Variants in DHRS7B observed in about 807,000 individuals in gnomAD.
DHRS7B encodes peroxisomal reductase activating PPAR-gamma.
A neutral mutation model predicts 26.4 loss-of-function variants in DHRS7B; 24 were observed. The observed-to-expected ratio is 0.91, with a 90% confidence interval of 0.66 to 1.28. The LOEUF is 1.28. Among genes scored for constraint, DHRS7B ranks in the 50% most tolerant of loss-of-function variants. DHRS7B has a pLI of 0.00. For missense variants in DHRS7B, 368 were observed against 419.4 expected, an observed-to-expected ratio of 0.88 and a Z score of 1.07; for synonymous variants, 142 against 166.4, an observed-to-expected ratio of 0.85 and a Z score of 1.13.
At chr17:21,172,301 G>T (rs1974274741) in intron 2 of DHRS7B, 105 bp downstream of exon 2, 3 of 1,396,952 alleles carry the variant, frequency 2.1e-6, no homozygotes, top group Non-Finnish European at 2.9e-6. Context: ...CGAAGCGGCA[G>T]CAGAAGGCCA....
intron 1 of DHRS7B, among the ~76,000 whole-genome samples, chr17:21,129,728 AAAG>A (rs1300293323): frequency 6.6e-6 from 1 of 150,494 alleles, no homozygotes; most frequent in Non-Finnish European, 1.5e-5. Context: ...AAAAAAAGAA[AAAG>A]AAAAAAATAA....
intron 1 of DHRS7B, among the ~76,000 whole-genome samples, chr17:21,144,301 G>A (rs1386888267): frequency 1.3e-5 from 2 of 152,146 alleles, no homozygotes; most frequent in African/African-American, 4.8e-5. Flanking sequence ...TTCTGGAGGT[G>A]AGAAAACTGG....
chr17:21,184,261 C>G, intron 4 of DHRS7B, 110 bp from the exon 5 acceptor site: 1 of 966,012 alleles, frequency 1.0e-6, no homozygotes, highest in Non-Finnish European at 1.6e-6. Context: ...GGGGTTTTCA[C>G]CATTCTCCCT....
chr17:21,132,439 G>A (rs1033275951), intron 1 of DHRS7B, among the ~76,000 whole-genome samples: 1 of 149,516 alleles, frequency 6.7e-6, no homozygotes, highest in African/African-American at 2.5e-5. Flanking sequence ...ACTGAGGTGG[G>A]AGGATCGCTT....
At chr17:21,184,028 T>A (rs1974574299) in intron 4 of DHRS7B, among the ~76,000 whole-genome samples, 1 of 152,208 alleles carries the variant, frequency 6.6e-6, no homozygotes, top group African/African-American at 2.4e-5. Flanking sequence ...TACCTACATG[T>A]CTTTTTCATG....
intron 1 of DHRS7B, among the ~76,000 whole-genome samples, chr17:21,140,531 CACACACA>C (rs1973479988): frequency 9.3e-5 from 14 of 150,548 alleles, no homozygotes; most frequent in Admixed American, 1.3e-4. Flanking sequence ...CACACACACA[CACACACA>C]CCCTGACACC....
chr17:21,178,946 A>G (rs1974452228), intron 3 of DHRS7B, among the ~76,000 whole-genome samples: 1 of 151,414 alleles, frequency 6.6e-6, no homozygotes, highest in South Asian at 2.1e-4. Flanking sequence ...AGCCACCAGT[A>G]CAGCCCTTGT....
At chr17:21,170,272 T>A (rs762700355) in intron 1 of DHRS7B, among the ~76,000 whole-genome samples, 4 of 152,136 alleles carry the variant, frequency 2.6e-5, no homozygotes, top group Non-Finnish European at 5.9e-5. Context: ...AACCCTGGAG[T>A]GGCACAGGCC....
At chr17:21,154,311 C>CAAA (rs879676183) in intron 1 of DHRS7B, among the ~76,000 whole-genome samples, 1 of 123,166 alleles carries the variant, frequency 8.1e-6, no homozygotes. Flanking sequence ...GCTCTCTCTC[C>CAAA]AAAAAAAAAA....
chr17:21,171,050 G>GC (rs942413643), intron 1 of DHRS7B, among the ~76,000 whole-genome samples: 20 of 131,470 alleles, frequency 1.5e-4, no homozygotes, highest in African/African-American at 6.7e-4. Context: ...GGTGGACTCG[G>GC]GGGGGGCCTT....
intron 2 of DHRS7B, among the ~76,000 whole-genome samples, chr17:21,172,828 A>C (rs1019403366): frequency 3.2e-4 from 48 of 152,292 alleles, no homozygotes; most frequent in Admixed American, 6.5e-4. Flanking sequence ...GTGTACCGGG[A>C]CCCTGGCCTG....
intron 6 of DHRS7B, among the ~76,000 whole-genome samples, chr17:21,189,414 C>T (rs1974726900): frequency 6.6e-6 from 1 of 152,242 alleles, no homozygotes; most frequent in Non-Finnish European, 1.5e-5. Context: ...CCCCAGCATG[C>T]AGGCTCAGGC....
intron 1 of DHRS7B, among the ~76,000 whole-genome samples, chr17:21,140,361 T>A (rs113485350): frequency 1.3e-5 from 2 of 152,062 alleles, no homozygotes; most frequent in African/African-American, 4.8e-5. Context: ...GTCAGCTACG[T>A]AGCCTTAAAT....
At chr17:21,129,704 C>CAAAAAAAAAAAAAAAAAA (rs61077377) in intron 1 of DHRS7B, among the ~76,000 whole-genome samples, 10 of 74,754 alleles carry the variant, frequency 1.3e-4, no homozygotes, top group African/African-American at 1.9e-4. Flanking sequence ...GACCCTGACT[C>CAAAAAAAAAAAAAAAAAA]AAAAAAAAAA....
chr17:21,145,699 A>C (rs1333121363), intron 1 of DHRS7B, among the ~76,000 whole-genome samples: 2 of 152,230 alleles, frequency 1.3e-5, no homozygotes, highest in Non-Finnish European at 2.9e-5. Flanking sequence ...TCTATTTTTC[A>C]CTTTCAGTAC....
chr17:21,127,546 C>T, intron 1 of DHRS7B: 1 of 153,036 alleles, frequency 6.5e-6, no homozygotes, highest in African/African-American at 2.4e-5. Flanking sequence ...ACTTACTCTG[C>T]GGCTTCCTGG....
At chr17:21,135,860 C>T (rs1973329197) in intron 1 of DHRS7B, among the ~76,000 whole-genome samples, 1 of 152,138 alleles carries the variant, frequency 6.6e-6, no homozygotes, top group Non-Finnish European at 1.5e-5. Context: ...ATCTTACGTG[C>T]CCACCTCTTC....
intron 1 of DHRS7B, among the ~76,000 whole-genome samples, chr17:21,138,075 A>AAAAAAAAAATATATATAT (rs1238830544): frequency 3.0e-5 from 1 of 33,230 alleles, no homozygotes; most frequent in African/African-American, 1.4e-4. Context: ...TTAAAAAAAA[A>AAAAAAAAAATATATATAT]ATATATATAT....
chr17:21,184,675 A>C (rs3744224), intron 5 of DHRS7B, among the ~76,000 whole-genome samples: 58,501 of 151,988 alleles, frequency 0.38, 12,736 homozygotes, highest in Non-Finnish European at 0.49. Flanking sequence ...AAGTATCCCC[A>C]CTTCTCTGTG....
Sources: gnomAD v4.1 joint callset for allele counts (sites outside exome capture counted in the v4.1 genomes callset) on GRCh38, gnomAD v4.1.1 for gene constraint, MANE v1.5 for transcripts, NCBI Gene and HGNC (gene_info 2026-07-23, HGNC 2026-07-21) for gene names.